Variants in VTI1A observed in about 807,000 individuals in gnomAD.
VTI1A encodes vesicle transport through interaction with t-SNAREs 1A.
In VTI1A, 22 loss-of-function variants were observed where a neutral mutation model predicts 34.9. The observed-to-expected ratio is 0.63, with a 90% CI of 0.45 to 0.90. The LOEUF (loss-of-function observed/expected upper bound fraction) is 0.90. VTI1A is among the 40% of genes least tolerant of loss of function. The probability of loss-of-function intolerance (pLI) is 0.00; values close to 1 mark genes in which losing one functional copy is unlikely to be tolerated. For synonymous variants in VTI1A, 87 were observed against 97.3 expected, an observed-to-expected ratio of 0.89 and a Z score of 0.62; for missense variants, 268 against 275.6, an observed-to-expected ratio of 0.97 and a Z score of 0.20.
intron 5 of VTI1A, among the ~76,000 whole-genome samples, chr10:112,543,773 G>A (rs186449052): frequency 6.6e-5 from 10 of 152,312 alleles, no homozygotes; most frequent in Non-Finnish European, 4.4e-5. Context: ...GTCCTGAATG[G>A]TATTGCCTAG....
chr10:112,580,208 G>A (rs1245348211), intron 5 of VTI1A, among the ~76,000 whole-genome samples: 2 of 152,134 alleles, frequency 1.3e-5, no homozygotes, highest in Non-Finnish European at 2.9e-5. Flanking sequence ...AGTTGAAGAT[G>A]TAACCTCAGA....
intron 5 of VTI1A, among the ~76,000 whole-genome samples, chr10:112,634,877 A>G (rs1001593828): frequency 1.3e-5 from 2 of 152,158 alleles, no homozygotes; most frequent in African/African-American, 4.8e-5. Context: ...ATCCATGCCC[A>G]TTGCCTCCTT....
intron 3 of VTI1A, among the ~76,000 whole-genome samples, chr10:112,484,794 C>G (rs766590518): frequency 6.7e-6 from 1 of 149,532 alleles, no homozygotes; most frequent in Non-Finnish European, 1.5e-5. Context: ...GGAGAAACAT[C>G]TATAATAAAT....
At position 112,678,553 on chromosome 10, in the gene VTI1A, T is replaced by C. The variant is rs1239909232; in HGVS notation, c.560+9555T>C. Among the ~76,000 whole-genome samples, 13 of 152,328 alleles carry C rather than the reference T, an allele frequency of 8.5e-5. No individual in the cohort carries two copies. The East Asian group carries it at 2.5e-3, about 29-fold the overall frequency. On this transcript the variant is annotated intron_variant, in intron 7 of 7. Coordinates refer to ENST00000393077, the MANE Select transcript of VTI1A (RefSeq NM_145206.4). ...GGCAGCAAACAATATCTGAACTTTA[T>C]AAATCGAGAGTTAGGGCTTCTCCCT...
At chr10:112,709,280 T>C (rs1849314138) in intron 7 of VTI1A, among the ~76,000 whole-genome samples, 1 of 152,208 alleles carries the variant, frequency 6.6e-6, no homozygotes, top group East Asian at 1.9e-4. Context: ...GGACAGAAAG[T>C]TGGAGCCCTG....
At chr10:112,699,745 T>C (rs539506840) in intron 7 of VTI1A, among the ~76,000 whole-genome samples, 15 of 151,932 alleles carry the variant, frequency 9.9e-5, no homozygotes, top group African/African-American at 3.1e-4. Context: ...GCAGAATCGC[T>C]TGAACCCAGG....
At chr10:112,533,569 C>CTT (rs536806879) in intron 4 of VTI1A, 45 of 789,046 alleles carry the variant, frequency 5.7e-5, no homozygotes, top group East Asian at 1.7e-4. Flanking sequence ...TTCCTAGCTT[C>CTT]TTTTTTTTTT....
chr10:112,855,145 C>T, the VTI1A span, among the ~76,000 whole-genome samples: 1 of 152,032 alleles, frequency 6.6e-6, no homozygotes, highest in Non-Finnish European at 1.5e-5. Flanking sequence ...ATGGGAAGCT[C>T]GACCCAGGAT....
intron 3 of VTI1A, among the ~76,000 whole-genome samples, chr10:112,490,414 T>A (rs1306443427): frequency 6.6e-6 from 1 of 152,192 alleles, no homozygotes; most frequent in African/African-American, 2.4e-5. Flanking sequence ...CTTCTAAACT[T>A]TGTATTTTTA....
intron 3 of VTI1A, among the ~76,000 whole-genome samples, chr10:112,480,317 G>A (rs1411554788): frequency 2.0e-5 from 3 of 152,122 alleles, no homozygotes; most frequent in African/African-American, 7.2e-5. Context: ...TAATTTTGGT[G>A]GTTCTTAACA....
chr10:112,778,328 G>C (rs1000641382), intron 7 of VTI1A, among the ~76,000 whole-genome samples: 5 of 152,130 alleles, frequency 3.3e-5, no homozygotes, highest in African/African-American at 1.2e-4. Context: ...TCTGAGCACT[G>C]GTGGAAGTTC....
chr10:112,491,115 G>A (rs1397988785), intron 3 of VTI1A, among the ~76,000 whole-genome samples: 2 of 151,994 alleles, frequency 1.3e-5, no homozygotes, highest in African/African-American at 4.8e-5. Context: ...TTCGATGTAT[G>A]GCACCAAACT....
intron 7 of VTI1A, among the ~76,000 whole-genome samples, chr10:112,696,384 C>T (rs1319754717): frequency 6.6e-6 from 1 of 151,974 alleles, no homozygotes; most frequent in Non-Finnish European, 1.5e-5. Context: ...AGTCTTAATT[C>T]CTGAGGCTGG....
At chr10:112,802,381 C>T (rs141117946) in intron 7 of VTI1A, among the ~76,000 whole-genome samples, 2 of 152,326 alleles carry the variant, frequency 1.3e-5, no homozygotes, top group African/African-American at 4.8e-5. Flanking sequence ...AAATAATGAT[C>T]TGTATGCCAT....
chr10:112,731,043 A>G (rs1293713991), intron 7 of VTI1A, among the ~76,000 whole-genome samples: 1 of 152,176 alleles, frequency 6.6e-6, no homozygotes, highest in Non-Finnish European at 1.5e-5. Context: ...GTTTTTCACT[A>G]GTAAATATCT....
chr10:112,455,065 CTCT>C (rs1847386705), intron 1 of VTI1A, among the ~76,000 whole-genome samples: 1 of 151,712 alleles, frequency 6.6e-6, no homozygotes, highest in Non-Finnish European at 1.5e-5. Context: ...CAGAATGAAT[CTCT>C]TTTGGGAATT....
At chr10:112,514,733 A>C (rs946605685) in intron 3 of VTI1A, among the ~76,000 whole-genome samples, 1 of 151,972 alleles carries the variant, frequency 6.6e-6, no homozygotes, top group Non-Finnish European at 1.5e-5. Flanking sequence ...ACTTCCTTTG[A>C]AGTAAAAATG....
At chr10:112,586,519 A>G (rs1004642863) in intron 5 of VTI1A, among the ~76,000 whole-genome samples, 1 of 152,142 alleles carries the variant, frequency 6.6e-6, no homozygotes, top group African/African-American at 2.4e-5. Flanking sequence ...GAGACCCACT[A>G]GTTTTTCAAC....
At chr10:112,758,865 A>G (rs1278048733) in intron 7 of VTI1A, among the ~76,000 whole-genome samples, 1 of 152,224 alleles carries the variant, frequency 6.6e-6, no homozygotes, top group Non-Finnish European at 1.5e-5. Context: ...CATGAGCAGC[A>G]GGTAGGCATC....
Sources: allele counts gnomAD v4.1 joint callset (sites outside exome capture counted in the v4.1 genomes callset), GRCh38; gene constraint gnomAD v4.1.1; transcripts MANE v1.5; gene names NCBI Gene and HGNC (gene_info 2026-07-23, HGNC 2026-07-21).